LUZP2: variants seen among roughly 807,000 people sequenced by gnomAD.
LUZP2 encodes leucine zipper protein 2.
Under a neutral mutation model 51.6 loss-of-function variants are expected in LUZP2, and 52 were observed. The ratio of observed to expected loss-of-function variants is 1.01; its 90% CI spans 0.81 to 1.27. The LOEUF is 1.27. LUZP2 is among the 50% of genes most tolerant of loss of function. The probability of loss-of-function intolerance (pLI) is 0.00; values close to 1 mark genes in which losing one functional copy is unlikely to be tolerated. For synonymous variants in LUZP2, 154 were observed against 137.3 expected, an observed-to-expected ratio of 1.12 and a Z score of -0.85; for missense variants, 436 against 395.4, an observed-to-expected ratio of 1.10 and a Z score of -0.87.
intron 1 of LUZP2, among the ~76,000 whole-genome samples, chr11:24,510,176 G>T (rs1850267498): frequency 6.6e-6 from 1 of 152,194 alleles, no homozygotes. Flanking sequence ...GGGGTGCAAA[G>T]GAGGCAGAGT....
Position 24,543,740 on chromosome 11 carries a change from G to T in LUZP2, c.62+46435G>T, listed in dbSNP as rs1316008746. On this transcript the variant is annotated intron_variant, in intron 1 of 11. Coordinates refer to ENST00000336930, the MANE Select transcript of LUZP2 (RefSeq NM_001009909.4). The stretch of plus-strand genomic sequence containing the variant: ...GGAAGCTGAGGCAGGAGAATCTCTT[G>T]AACTAAGGAGGTGGAAGTTTGCAGT... Among the ~76,000 whole-genome samples the T allele has an allele frequency of 3.8e-5, 5 of 133,168 alleles. No homozygotes were observed. In the East Asian group the frequency reaches 1.2e-3, roughly 32 times the overall value. The allele number at this position is 133,168 out of a possible 152,430, so 87.4% of individuals were successfully genotyped here.
chr11:25,066,175 T>TG (rs1190162675), intron 10 of LUZP2, among the ~76,000 whole-genome samples: 1 of 105,064 alleles, frequency 9.5e-6, no homozygotes, highest in Non-Finnish European at 2.1e-5. Context: ...ATTTTGTGAC[T>TG]GAAAAAATCT....
rs1306616275 is a variant in LUZP2 at position 24,571,599 on chromosome 11, T to G, written c.62+74294T>G. Among the ~76,000 whole-genome samples, 5 of 152,066 alleles carry G rather than the reference T, an allele frequency of 3.3e-5. No individual in the cohort carries two copies. In the East Asian group the frequency reaches 9.6e-4, roughly 29 times the overall value. On this transcript the variant is annotated intron_variant, in intron 1 of 11. Coordinates refer to ENST00000336930, the MANE Select transcript of LUZP2 (RefSeq NM_001009909.4). Reference sequence around the variant, plus strand: ...CCTTAATCCAGTTATTAAGTGTCACTGATGTAAATCAATAAAGAAATTAAT... The same window carrying G: ...CCTTAATCCAGTTATTAAGTGTCACGGATGTAAATCAATAAAGAAATTAAT...
At chr11:24,829,395 G>A (rs531179162) in intron 5 of LUZP2, among the ~76,000 whole-genome samples, 2 of 152,276 alleles carry the variant, frequency 1.3e-5, no homozygotes, top group East Asian at 1.9e-4. Context: ...AGAAGAGGAA[G>A]CACAGCTTTC....
At chr11:25,036,130 A>G (rs1857852064) in intron 9 of LUZP2, among the ~76,000 whole-genome samples, 1 of 152,042 alleles carries the variant, frequency 6.6e-6, no homozygotes, top group African/African-American at 2.4e-5. Context: ...TTTATTGCTG[A>G]TTCAATTTTA....
chr11:24,883,566 T>G (rs10767266), intron 5 of LUZP2, among the ~76,000 whole-genome samples: 73,437 of 151,386 alleles, frequency 0.49, 18,219 homozygotes, highest in East Asian at 0.69. Flanking sequence ...GTATGAAATT[T>G]TCGTTAGCAA....
At chr11:24,939,209 G>A (rs955173245) in intron 7 of LUZP2, among the ~76,000 whole-genome samples, 3 of 151,890 alleles carry the variant, frequency 2.0e-5, no homozygotes, top group South Asian at 4.2e-4. Flanking sequence ...AGAAGTGTAC[G>A]GACTTCTAAA....
At chr11:24,927,572 T>C (rs958552565) in intron 7 of LUZP2, among the ~76,000 whole-genome samples, 3 of 152,096 alleles carry the variant, frequency 2.0e-5, no homozygotes, top group Non-Finnish European at 4.4e-5. Flanking sequence ...TATTTCTTAG[T>C]TTTATATTCT....
chr11:24,520,880 C>T (rs575329423), intron 1 of LUZP2, among the ~76,000 whole-genome samples: 1 of 152,284 alleles, frequency 6.6e-6, no homozygotes, highest in East Asian at 1.9e-4. Context: ...AAAACTCAAC[C>T]AAGGGTTTTC....
intron 5 of LUZP2, among the ~76,000 whole-genome samples, chr11:24,876,810 C>T (rs1246564326): frequency 6.6e-6 from 1 of 151,884 alleles, no homozygotes; most frequent in Admixed American, 6.6e-5. Flanking sequence ...AAGTACACTC[C>T]TCTTTTTCTT....
intron 1 of LUZP2, among the ~76,000 whole-genome samples, chr11:24,600,634 C>T (rs929674152): frequency 6.6e-6 from 1 of 152,078 alleles, no homozygotes; most frequent in Non-Finnish European, 1.5e-5. Context: ...TAAAACTTAG[C>T]TCACTTCTGT....
chr11:24,849,475 C>T (rs1851317383), intron 5 of LUZP2, among the ~76,000 whole-genome samples: 1 of 152,160 alleles, frequency 6.6e-6, no homozygotes, highest in African/African-American at 2.4e-5. Flanking sequence ...GTTTGTATGG[C>T]TGCATAGTAT....
intron 1 of LUZP2, among the ~76,000 whole-genome samples, chr11:24,553,229 A>G (rs1851771584): frequency 6.6e-6 from 1 of 151,868 alleles, no homozygotes; most frequent in Non-Finnish European, 1.5e-5. Flanking sequence ...AGGGGCCAAA[A>G]ACAATGTGAA....
intron 9 of LUZP2, among the ~76,000 whole-genome samples, chr11:24,984,524 T>TTG (rs1420729452): frequency 1.1e-5 from 1 of 90,086 alleles, no homozygotes; most frequent in Non-Finnish European, 2.2e-5. Flanking sequence ...ATTACATATT[T>TTG]TATATATATA....
intron 1 of LUZP2, among the ~76,000 whole-genome samples, chr11:24,657,840 T>G (rs1396453051): frequency 2.0e-5 from 3 of 152,004 alleles, no homozygotes; most frequent in Admixed American, 6.6e-5. Flanking sequence ...TCAAAGAGAA[T>G]AAAATACCTA....
intron 5 of LUZP2, among the ~76,000 whole-genome samples, chr11:24,881,344 C>A (rs1386230): frequency 6.6e-6 from 1 of 150,642 alleles, no homozygotes. Flanking sequence ...AGAGACAGAA[C>A]ATTCGTCTTA....
At chr11:24,975,754 C>A (rs1213960129) in intron 7 of LUZP2, among the ~76,000 whole-genome samples, 2 of 152,076 alleles carry the variant, frequency 1.3e-5, no homozygotes, top group East Asian at 3.9e-4. Context: ...TATATGAATT[C>A]CAAATCTGAA....
At position 24,892,182 on chromosome 11, in the gene LUZP2, A is replaced by G. The variant is rs1432115460; in HGVS notation, c.397-13809A>G. ...AATCTCTGTATCTTTCTCCTTTTTT[A>G]CCTTCTGTGGTTGTGATCTGTGAGG... On this transcript the variant is annotated intron_variant, in intron 5 of 11. Transcript: ENST00000336930. 1.9e-5 allele frequency: 19 copies of G among 985,212 alleles called. 1 individual carries two copies. Among genetic ancestry groups the G allele is most frequent in the Middle Eastern group, 1.0e-3 (2 of 1,942 alleles). The allele number at this position is 985,212 out of a possible 1,614,324, so 61.0% of individuals were successfully genotyped here. A position where few individuals can be genotyped will look rare whatever the true frequency, so the allele number is the denominator to read the frequency against.
chr11:24,648,426 C>T (rs1855526886), intron 1 of LUZP2, among the ~76,000 whole-genome samples: 2 of 151,946 alleles, frequency 1.3e-5, no homozygotes, highest in African/African-American at 4.8e-5. Context: ...CAAAATTCAG[C>T]TGCTCGGGTA....
Sources: gnomAD v4.1 joint callset for allele counts (sites outside exome capture counted in the v4.1 genomes callset) on GRCh38, gnomAD v4.1.1 for gene constraint, MANE v1.5 for transcripts, NCBI Gene and HGNC (gene_info 2026-07-23, HGNC 2026-07-21) for gene names.